Variants in CLTCL1 observed in about 807,000 individuals in gnomAD.
The protein encoded by CLTCL1 is clathrin heavy chain like 1, also known as clathrin heavy chain 2.
CLTCL1 carries 159 observed loss-of-function variants against 190.0 expected under a neutral mutation model. The observed-to-expected ratio is 0.84, with a 90% CI of 0.74 to 0.95. The LOEUF (loss-of-function observed/expected upper bound fraction) is 0.95, where lower values mean the gene tolerates loss of function less well. Ranked by LOEUF, CLTCL1 falls within the 40% of genes least tolerant of loss-of-function variation. The pLI, the probability that CLTCL1 is intolerant of heterozygous loss-of-function variation, is 0.00. For synonymous variants in CLTCL1, 752 were observed against 769.6 expected (o/e 0.98, Z 0.38); for missense variants, 1,878 against 2,033.4 (o/e 0.92, Z 1.47).
rs5748087 is a variant in CLTCL1 at position 19,273,713 on chromosome 22, T to C, written c.250+1910A>G. Among the ~76,000 whole-genome samples the C allele has an allele frequency of 9.3e-3, 1,419 of 152,294 alleles. 31 individuals are homozygous for C. The highest frequency in any genetic ancestry group is 0.065 in the East Asian group (339 of 5,184). On this transcript the variant is annotated intron_variant, in intron 2 of 32. Transcript: ENST00000427926. ...TTCCCTCCCTAATAGATGAAATTTA[T>C]TGAGATACGCAATCATAAAAATTAC...
At chr22:19,193,519 T>C (rs1555933728) in intron 26 of CLTCL1, among the ~76,000 whole-genome samples, 2 of 152,176 alleles carry the variant, frequency 1.3e-5, no homozygotes, top group African/African-American at 2.4e-5. Context: ...CCCACTAGCA[T>C]GGTCAGCAAG....
At chr22:19,223,269 G>C (rs547066471) in intron 14 of CLTCL1, among the ~76,000 whole-genome samples, 1 of 152,068 alleles carries the variant, frequency 6.6e-6, no homozygotes, top group Non-Finnish European at 1.5e-5. Flanking sequence ...ATGTGGTCCC[G>C]TGCCTAGATC....
intron 1 of CLTCL1, among the ~76,000 whole-genome samples, chr22:19,280,047 TTATCGGCTAAGG>T (rs1555985615): frequency 6.6e-6 from 1 of 152,214 alleles, no homozygotes; most frequent in African/African-American, 2.4e-5. Flanking sequence ...AGGGACTGTT[TTATCGGCTAAGG>T]TTATGCTTTG....
intron 2 of CLTCL1, among the ~76,000 whole-genome samples, chr22:19,267,988 G>C (rs1421106295): frequency 1.3e-5 from 2 of 152,050 alleles, no homozygotes; most frequent in Non-Finnish European, 1.5e-5. Flanking sequence ...AAAAAAATAG[G>C]TAAGTTGGGC....
intron 1 of CLTCL1, among the ~76,000 whole-genome samples, chr22:19,278,442 G>T (rs562219848): frequency 2.6e-5 from 4 of 152,260 alleles, no homozygotes; most frequent in African/African-American, 9.6e-5. Flanking sequence ...CCAAGGCTTA[G>T]AAGGCAGGCA....
intron 1 of CLTCL1, among the ~76,000 whole-genome samples, chr22:19,276,164 A>G (rs1339878638): frequency 2.6e-5 from 4 of 152,120 alleles, no homozygotes; most frequent in African/African-American, 4.8e-5. Flanking sequence ...TGTCACAGAT[A>G]AGCCCACCAC....
chr22:19,280,456 C>A (rs1344875219), intron 1 of CLTCL1, among the ~76,000 whole-genome samples: 3 of 151,844 alleles, frequency 2.0e-5, no homozygotes, highest in African/African-American at 7.3e-5. Context: ...TATTATTCAG[C>A]CTTAAAAAGG....
At chr22:19,273,892 T>G (rs1461305072) in intron 2 of CLTCL1, among the ~76,000 whole-genome samples, 1 of 152,124 alleles carries the variant, frequency 6.6e-6, no homozygotes, top group Non-Finnish European at 1.5e-5. Flanking sequence ...TCTCTCCCAC[T>G]GCAACAGTAA....
intron 6 of CLTCL1, 131 bp downstream of exon 6, chr22:19,235,565 C>T (rs2086055610): frequency 2.5e-6 from 2 of 800,866 alleles, no homozygotes; most frequent in African/African-American, 3.4e-5. Context: ...AAGGAGGAGA[C>T]ATGGGTTTAA....
chr22:19,196,256 C>T lies in CLTCL1; in HGVS notation c.4191+10G>A, dbSNP rs372375390. On this transcript the variant is annotated intron_variant, in intron 26 of 32. Transcript: ENST00000427926. Reference sequence around the variant, plus strand: ...GCTGGCAGGAGCCAGCGCTCTGTATCCCCTCTTACCTTGGTAATGATGTCC... The same window carrying T: ...GCTGGCAGGAGCCAGCGCTCTGTATTCCCTCTTACCTTGGTAATGATGTCC... The T allele has an allele frequency of 1.3e-4, 206 of 1,611,322 alleles. 1 individual carries two copies. The East Asian group carries it at 2.8e-3, about 22-fold the overall frequency.
intron 3 of CLTCL1, among the ~76,000 whole-genome samples, chr22:19,248,292 G>A (rs2086484163): frequency 1.3e-5 from 2 of 151,138 alleles, no homozygotes; most frequent in South Asian, 2.1e-4. Context: ...AGCAAAACTC[G>A]GTCTCAAAAA....
intron 20 of CLTCL1, among the ~76,000 whole-genome samples, chr22:19,209,938 G>A (rs193060421): frequency 1.3e-5 from 2 of 152,224 alleles, no homozygotes; most frequent in Admixed American, 6.5e-5. Context: ...ATGGGGGAAT[G>A]GGGAGTATAG....
At chr22:19,248,167 ATGCC>A (rs1321121142) in intron 3 of CLTCL1, among the ~76,000 whole-genome samples, 2 of 151,854 alleles carry the variant, frequency 1.3e-5, no homozygotes, top group Non-Finnish European at 2.9e-5. Context: ...GTGGTGGTGC[ATGCC>A]TGTAGTCCCA....
chr22:19,202,634 C>T (rs1378134466), intron 22 of CLTCL1, among the ~76,000 whole-genome samples: 1 of 149,562 alleles, frequency 6.7e-6, no homozygotes, highest in Admixed American at 6.7e-5. Flanking sequence ...ACCCTACTTC[C>T]GTCATCCATG....
chr22:19,226,492 A>C, intron 11 of CLTCL1, 109 bp from the exon 12 acceptor site: 1 of 1,229,246 alleles, frequency 8.1e-7, no homozygotes, highest in East Asian at 2.4e-5. Context: ...ACCAGAACTC[A>C]CAGGCCCCTG....
intron 2 of CLTCL1, chr22:19,258,793 T>C: frequency 1.5e-6 from 1 of 685,112 alleles, no homozygotes. Context: ...GACACCAAAG[T>C]TCTGAGGAAT....
rs1444185216 is a variant in CLTCL1, at chr22:19,222,047, A to G, written c.2465T>C (p.Val822Ala). Residue 822 changes from valine to alanine, a missense_variant, in exon 16 of 33, where the codon GTG (valine) becomes GCG (alanine). Coordinates refer to ENST00000427926, the MANE Select transcript of CLTCL1 (RefSeq NM_007098.4). ...TPAVIGGLLD[V>A]DCSEEVIKHL... The stretch of plus-strand genomic sequence containing the variant: ...TTTAATCACTTCCTCAGAACAATCC[A>G]CATCAAGCAGCCCTCCAATCACAGC... 5 of 1,613,926 alleles carry G rather than the reference A, an allele frequency of 3.1e-6. No homozygotes were observed. The African/African-American group carries it at 6.7e-5, about 22-fold the overall frequency.
At chr22:19,218,809 C>T (rs2085472577) in intron 18 of CLTCL1, among the ~76,000 whole-genome samples, 1 of 152,224 alleles carries the variant, frequency 6.6e-6, no homozygotes, top group African/African-American at 2.4e-5. Context: ...AGGCAGACTC[C>T]CACCTGCCAG....
chr22:19,198,231 C>T lies in CLTCL1; in HGVS notation c.3873+1503G>A, dbSNP rs1421574088. On this transcript the variant is annotated intron_variant, in intron 24 of 32. Transcript: ENST00000427926. This position sits in a 1 kb window ranked among gnomAD's most constrained non-coding sequence, Gnocchi z 4.1. ...GCATTAGCATATCAAGGTGGCTGCT[C>T]ATTCAAAGCACACACCCAATCCTGA... Among the ~76,000 whole-genome samples, 1 of 152,194 alleles carries T rather than the reference C, an allele frequency of 6.6e-6. No homozygotes were observed. Among genetic ancestry groups the T allele is most frequent in the Non-Finnish European group, 1.5e-5 (1 of 68,034 alleles).
Sources: gnomAD v4.1 joint callset for allele counts (sites outside exome capture counted in the v4.1 genomes callset) on GRCh38, gnomAD v4.1.1 for gene constraint, Gnocchi (gnomAD v3.1) non-coding constraint, MANE v1.5 for transcripts, NCBI Gene and HGNC (gene_info 2026-07-23, HGNC 2026-07-21) for gene names.